Variants in DIDO1 observed in about 807,000 individuals in gnomAD.
DIDO1 encodes the protein death inducer-obliterator 1, also known as death-inducer obliterator 1.
Under a neutral mutation model 99.4 loss-of-function variants are expected in DIDO1, and 16 were observed. The observed-to-expected ratio is 0.16, with a 90% CI of 0.11 to 0.24. DIDO1 has a LOEUF of 0.24. DIDO1 is among the 10% of genes least tolerant of loss of function. DIDO1 has a pLI of 1.00. For missense variants in DIDO1, 2,996 were observed against 3,014.0 expected, an observed-to-expected ratio of 0.99 and a Z score of 0.14; for synonymous variants, 1,366 against 1,239.1, an observed-to-expected ratio of 1.10 and a Z score of -2.15.
chr20:62,900,933 G>A (rs1162328560), intron 6 of DIDO1, among the ~76,000 whole-genome samples: 1 of 152,248 alleles, frequency 6.6e-6, no homozygotes, highest in Non-Finnish European at 1.5e-5. Context: ...CCTATTTGCA[G>A]CCCTCAGTGA....
chr20:62,931,278 T>C (rs1039836645), upstream of DIDO1, among the ~76,000 whole-genome samples: 1 of 152,222 alleles, frequency 6.6e-6, no homozygotes, highest in Non-Finnish European at 1.5e-5. Flanking sequence ...AGTGAACACA[T>C]TAATACAGAA....
At position 62,896,908 on chromosome 20, in the gene DIDO1, C is replaced by T. The variant is rs770634656; in HGVS notation, c.1677G>A (p.Lys559=). 3 of 1,614,032 alleles carry T rather than the reference C, an allele frequency of 1.9e-6. No individual in the cohort carries two copies. The highest frequency in any genetic ancestry group is 2.5e-6 in the Non-Finnish European group (3 of 1,179,962). The change falls in exon 7 of 16, where the codon AAG becomes AAA. Residue 559 remains lysine (K), a synonymous_variant. Coordinates refer to ENST00000395343, the MANE Select transcript of DIDO1 (RefSeq NM_001193369.2). This position sits in a 1 kb window ranked among gnomAD's most constrained non-coding sequence, Gnocchi z 4.4. ...KTAPPGSAVG[K]QPAPRNLVPK... is the part of the protein sequence containing the mutation. Reference sequence around the variant, plus strand: ...GCACGAGGTTTCTAGGTGCAGGCTGCTTGCCCACCGCGGAGCCTGGAGGGG... The same window carrying T: ...GCACGAGGTTTCTAGGTGCAGGCTGTTTGCCCACCGCGGAGCCTGGAGGGG...
intron 6 of DIDO1, among the ~76,000 whole-genome samples, chr20:62,903,154 A>G (rs1286722723): frequency 6.6e-6 from 1 of 152,262 alleles, no homozygotes; most frequent in Non-Finnish European, 1.5e-5. Context: ...AACTGTATAT[A>G]TAAGAAACAA....
intron 13 of DIDO1, 101 bp downstream of exon 13, chr20:62,892,708 C>CGGAA (rs2064424988): frequency 6.9e-7 from 1 of 1,439,024 alleles, no homozygotes; most frequent in African/African-American, 1.4e-5. Context: ...TTCTGTTTCT[C>CGGAA]TCCTACCTCA....
chr20:62,929,472 G>C (rs543009953), upstream of DIDO1, among the ~76,000 whole-genome samples: 235 of 152,142 alleles, frequency 1.5e-3, 2 homozygotes, highest in African/African-American at 5.6e-3. Flanking sequence ...TGCACCGCGG[G>C]CCCGCGACCC....
chr20:62,900,296 G>A (rs574227458), intron 6 of DIDO1, among the ~76,000 whole-genome samples: 1 of 152,378 alleles, frequency 6.6e-6, no homozygotes, highest in East Asian at 1.9e-4. Flanking sequence ...TTGCTGCCGG[G>A]TCTGGGTTTC....
intron 2 of DIDO1, among the ~76,000 whole-genome samples, chr20:62,913,531 A>T (rs1382668258): frequency 1.3e-5 from 2 of 152,260 alleles, no homozygotes. Flanking sequence ...ACATCAGTTA[A>T]AATGGTTTAT....
chr20:62,905,738 C>T, intron 6 of DIDO1, 149 bp downstream of exon 6: 1 of 1,606,746 alleles, frequency 6.2e-7, no homozygotes, highest in South Asian at 1.1e-5. Context: ...GCATCCTGGA[C>T]ATGGGCTCTG....
At chr20:62,910,733 T>C in intron 3 of DIDO1, 41 bp downstream of exon 3, 1 of 1,579,102 alleles carries the variant, frequency 6.3e-7, no homozygotes, top group Non-Finnish European at 8.6e-7. Flanking sequence ...AAATTCTGTT[T>C]GCAACCCTGG....
intron 15 of DIDO1, chr20:62,889,013 T>C: frequency 1.0e-6 from 1 of 985,502 alleles, no homozygotes; most frequent in Non-Finnish European, 1.2e-6. Flanking sequence ...TGGATCAAAG[T>C]CCCTGGGGCT....
rs372435074 is a variant in DIDO1, at chr20:62,911,273, T to C, written c.340A>G (p.Ser114Gly). The change falls in exon 3 of 16, where the codon AGC becomes GGC. Residue 114 changes from serine (S) to glycine (G), a missense_variant. Coordinates refer to ENST00000395343, the MANE Select transcript of DIDO1 (RefSeq NM_001193369.2). This position sits in a 1 kb window ranked among gnomAD's most constrained non-coding sequence, Gnocchi z 7.0. ...CTGGTCTCAGAAGCGCTTTCCACGC[T>C]GCCCTCGGAGGCTGTCTCGGCGTCT... ...ATDAETASEG[S>G]VESASETRSG... 3.0e-5 allele frequency: 48 copies of C among 1,612,644 alleles called. No homozygotes were observed. Among genetic ancestry groups the C allele is most frequent in the Non-Finnish European group, 4.1e-5 (48 of 1,180,026 alleles).
rs2064170858 is a variant in DIDO1 at position 62,879,987 on chromosome 20, C to T, written c.5969G>A (p.Gly1990Asp). 3.7e-6 allele frequency: 6 copies of T among 1,611,724 alleles called. No individual in the cohort carries two copies. In the East Asian group the frequency reaches 1.1e-4, roughly 30 times the overall value. ...AAAGGGTGCGGACCCCCGTAGTCCA[C>T]CAAACTGCAGGGGTGCAGGCGCCCT... ...NQRAPAPLQF[G>D]GLRGSAPFSE... Residue 1990 changes from glycine (G) to aspartate (D), a missense_variant, in exon 16 of 16, where the codon GGT becomes GAT. Gly to Asp is a moderately conservative substitution (Grantham distance 94, BLOSUM62 -1). This residue lies in a region of DIDO1 where 1,562 missense variants were observed against 1,412.6 expected (regional missense o/e 1.11). Transcript: ENST00000395343. This position sits in a 1 kb window ranked among gnomAD's most constrained non-coding sequence, Gnocchi z 6.3.
In DIDO1 at chr20:62,933,468, G is replaced by A. The variant is rs562567155; in HGVS notation, c.-200+4328C>T. Among the ~76,000 whole-genome samples the A allele has an allele frequency of 3.3e-5, 5 of 152,324 alleles. No individual in the cohort carries two copies. In the East Asian group the frequency reaches 7.7e-4, roughly 24 times the overall value. On this transcript the variant is annotated intron_variant, in intron 1 of 15. Coordinates refer to the DIDO1 transcript ENST00000266070. Reference sequence around the variant, plus strand: ...AAAGCCTGAAGTCTCCAGTATGTAGGGGTTTGATTTTATGCTTTTGGGTTT... The same window carrying A: ...AAAGCCTGAAGTCTCCAGTATGTAGAGGTTTGATTTTATGCTTTTGGGTTT...
chr20:62,927,690 A>G (rs1001249371), upstream of DIDO1, among the ~76,000 whole-genome samples: 7 of 152,258 alleles, frequency 4.6e-5, no homozygotes, highest in Non-Finnish European at 5.9e-5. Flanking sequence ...CGATGCTTCC[A>G]TGGATGAACC....
At chr20:62,919,188 T>A (rs1024296171) in intron 1 of DIDO1, among the ~76,000 whole-genome samples, 2 of 152,230 alleles carry the variant, frequency 1.3e-5, no homozygotes, top group African/African-American at 2.4e-5. Flanking sequence ...TTGCATAGAT[T>A]ACATTTAAAT....
At chr20:62,905,154 A>G in intron 6 of DIDO1, 1 of 1,038,418 alleles carries the variant, frequency 9.6e-7, no homozygotes, top group Non-Finnish European at 1.2e-6. Flanking sequence ...AAGAGTCTAA[A>G]CATTCAAGAG....
At chr20:62,899,821 C>T (rs1342955293) in intron 6 of DIDO1, among the ~76,000 whole-genome samples, 5 of 152,334 alleles carry the variant, frequency 3.3e-5, no homozygotes, top group Admixed American at 1.3e-4. Context: ...CTGCTCTGAA[C>T]GGACATGTTC....
At chr20:62,882,675 G>A (rs1356651995) in intron 15 of DIDO1, among the ~76,000 whole-genome samples, 3 of 152,150 alleles carry the variant, frequency 2.0e-5, no homozygotes, top group African/African-American at 7.2e-5. Context: ...TGTGAAGGGG[G>A]CGACTAACCC....
At chr20:62,913,904 C>T (rs968864562) in intron 2 of DIDO1, among the ~76,000 whole-genome samples, 5 of 152,220 alleles carry the variant, frequency 3.3e-5, no homozygotes, top group African/African-American at 1.2e-4. Context: ...ATATTTAGAT[C>T]ATCTCTAGAT....
Sources: allele counts gnomAD v4.1 joint callset (sites outside exome capture counted in the v4.1 genomes callset), GRCh38; gene constraint gnomAD v4.1.1; regional missense constraint gnomAD v4.1.1; non-coding constraint Gnocchi (gnomAD v3.1); transcripts MANE v1.5; gene names NCBI Gene and HGNC (gene_info 2026-07-23, HGNC 2026-07-21).